Variants in ROBO2 observed in about 807,000 individuals in gnomAD.
The protein encoded by ROBO2 is roundabout homolog 2.
In ROBO2, 53 loss-of-function variants were observed where a neutral mutation model predicts 160.8. The ratio of observed to expected loss-of-function variants is 0.33; its 90% confidence interval spans 0.26 to 0.41. The LOEUF is 0.41. Ranked by LOEUF, ROBO2 falls within the 10% of genes least tolerant of loss-of-function variation. The pLI is 1.00. For synonymous variants in ROBO2, 664 were observed against 611.7 expected (o/e 1.09, Z -1.26); for missense variants, 1,577 against 1,722.4 (o/e 0.92, Z 1.49).
At chr3:75,991,000 A>G (rs1346591939) in intron 2 of ROBO2, among the ~76,000 whole-genome samples, 1 of 152,202 alleles carries the variant, frequency 6.6e-6, no homozygotes, top group Non-Finnish European at 1.5e-5. Flanking sequence ...ACATTCATCC[A>G]TGATGACTTT....
intron 2 of ROBO2, among the ~76,000 whole-genome samples, chr3:76,072,068 A>G (rs1245444888): frequency 6.6e-6 from 1 of 152,124 alleles, no homozygotes; most frequent in African/African-American, 2.4e-5. Context: ...TAAAAAAATG[A>G]TGTTTCTCAA....
chr3:76,847,659 TCTCAA>T (rs1231995235), intron 2 of ROBO2, among the ~76,000 whole-genome samples: 6 of 152,130 alleles, frequency 3.9e-5, no homozygotes, highest in African/African-American at 1.4e-4. Flanking sequence ...ACCTGGATAA[TCTCAA>T]CTCGGCATTG....
intron 2 of ROBO2, among the ~76,000 whole-genome samples, chr3:76,621,815 C>A (rs536256048): frequency 6.6e-6 from 1 of 152,238 alleles, no homozygotes; most frequent in East Asian, 1.9e-4. Flanking sequence ...TACACAAATA[C>A]AGACTCCACA....
chr3:76,162,843 A>G (rs2072692963), intron 2 of ROBO2, among the ~76,000 whole-genome samples: 1 of 152,034 alleles, frequency 6.6e-6, no homozygotes, highest in Non-Finnish European at 1.5e-5. Flanking sequence ...TATTATATTG[A>G]CTTAAAATAT....
chr3:77,320,984 A>G (rs1238757469), intron 2 of ROBO2, among the ~76,000 whole-genome samples: 1 of 152,162 alleles, frequency 6.6e-6, no homozygotes, highest in South Asian at 2.1e-4. Context: ...TTTGTTCTTC[A>G]GTAATCCCAC....
intron 2 of ROBO2, among the ~76,000 whole-genome samples, chr3:77,248,777 C>CTTTTT (rs56271044): frequency 1.4e-5 from 2 of 141,602 alleles, no homozygotes; most frequent in African/African-American, 2.6e-5. Context: ...ATCACTTGCT[C>CTTTTT]TTTTTTTTTT....
chr3:75,942,013 C>T (rs2107084883), intron 2 of ROBO2, among the ~76,000 whole-genome samples: 1 of 152,234 alleles, frequency 6.6e-6, no homozygotes, highest in South Asian at 2.1e-4. Context: ...ACAATCGTTT[C>T]CCAGTGCATT....
intron 2 of ROBO2, among the ~76,000 whole-genome samples, chr3:76,965,697 G>T (rs2080015523): frequency 6.8e-6 from 1 of 146,948 alleles, no homozygotes; most frequent in African/African-American, 2.5e-5. Context: ...TCAGTAAATT[G>T]TTATAAGGAT....
chr3:77,563,138 A>G (rs746791349), intron 10 of ROBO2, 29 bp from the exon 12 acceptor site: 2 of 1,611,066 alleles, frequency 1.2e-6, no homozygotes, highest in Non-Finnish European at 1.7e-6. Context: ...GCAATCAGGA[A>G]TGAAGTTTTT....
chr3:76,060,254 A>G (rs1359941536), intron 2 of ROBO2, among the ~76,000 whole-genome samples: 3 of 152,126 alleles, frequency 2.0e-5, no homozygotes, highest in Non-Finnish European at 4.4e-5. Flanking sequence ...TCATTCATAT[A>G]TAAATTAAAA....
At chr3:76,140,675 A>C (rs2106751962) in intron 2 of ROBO2, among the ~76,000 whole-genome samples, 1 of 151,920 alleles carries the variant, frequency 6.6e-6, no homozygotes, top group East Asian at 2.0e-4. Context: ...ACATGTTAAA[A>C]AGTGTGTCCA....
At chr3:77,372,141 G>C (rs1459075193) in intron 2 of ROBO2, among the ~76,000 whole-genome samples, 1 of 151,986 alleles carries the variant, frequency 6.6e-6, no homozygotes, top group Admixed American at 6.6e-5. Context: ...GGGGAGAAAG[G>C]GAAAGAGAAG....
At chr3:76,623,918 C>G (rs1370787180) in intron 2 of ROBO2, among the ~76,000 whole-genome samples, 4 of 152,106 alleles carry the variant, frequency 2.6e-5, no homozygotes, top group Non-Finnish European at 5.9e-5. Flanking sequence ...CCTCTGACAT[C>G]TTCCTTTCTC....
intron 2 of ROBO2, among the ~76,000 whole-genome samples, chr3:76,022,652 T>C (rs2107669119): frequency 6.6e-6 from 1 of 151,828 alleles, no homozygotes; most frequent in African/African-American, 2.4e-5. Context: ...AAGAGCGGGA[T>C]AAAAATATCC....
At chr3:76,497,200 T>G (rs560852229) in intron 2 of ROBO2, among the ~76,000 whole-genome samples, 17 of 152,266 alleles carry the variant, frequency 1.1e-4, no homozygotes, top group Middle Eastern at 3.4e-3. Flanking sequence ...TTCACTGTCT[T>G]GTTTTTTTCA....
At chr3:76,308,270 G>A (rs1040671740) in intron 2 of ROBO2, among the ~76,000 whole-genome samples, 3 of 150,698 alleles carry the variant, frequency 2.0e-5, no homozygotes, top group South Asian at 4.2e-4. Context: ...CCAGCTACTC[G>A]AGAGGCTGAG....
chr3:76,198,495 G>T (rs557313266), intron 2 of ROBO2, among the ~76,000 whole-genome samples: 9 of 152,246 alleles, frequency 5.9e-5, no homozygotes, highest in Non-Finnish European at 4.4e-5. Context: ...ACCCCAAAAT[G>T]TATTTCTTTG....
chr3:76,022,613 A>G (rs1422294785), intron 2 of ROBO2, among the ~76,000 whole-genome samples: 1 of 151,744 alleles, frequency 6.6e-6, no homozygotes, highest in African/African-American at 2.4e-5. Flanking sequence ...ATATTTTGAA[A>G]GGACTCTTTT....
chr3:77,098,248 G>T (rs756941236), exon 2 of ROBO2: 1 of 1,614,192 alleles, frequency 6.2e-7, no homozygotes. Flanking sequence ...GTGCACGGGC[G>T]CAGGAGTAAA....
Sources: gnomAD v4.1 joint callset for allele counts (sites outside exome capture counted in the v4.1 genomes callset) on GRCh38, gnomAD v4.1.1 for gene constraint, MANE v1.5 for transcripts, NCBI Gene and HGNC (gene_info 2026-07-23, HGNC 2026-07-21) for gene names.